The following KMT5B variants were observed in gnomAD, a reference collection of about 807,000 sequenced individuals.
KMT5B encodes histone-lysine N-methyltransferase KMT5B.
Under a neutral mutation model 83.2 loss-of-function variants are expected in KMT5B, and 10 were observed. The ratio of observed to expected loss-of-function variants is 0.12; its 90% CI spans 0.07 to 0.20. The LOEUF is 0.20. KMT5B is among the 10% of genes least tolerant of loss of function. The pLI is 1.00. For synonymous variants in KMT5B, 349 were observed against 388.8 expected, an observed-to-expected ratio of 0.90 and a Z score of 1.20; for missense variants, 753 against 1,067.2, an observed-to-expected ratio of 0.71 and a Z score of 4.10.
intron 1 of KMT5B, among the ~76,000 whole-genome samples, chr11:68,196,363 G>A (rs1858709670): frequency 6.6e-6 from 1 of 150,914 alleles, no homozygotes; most frequent in African/African-American, 2.4e-5. Flanking sequence ...TAAAACTTAA[G>A]TGAAAGCCCT....
At chr11:68,170,491 T>C (rs1291894111) in intron 9 of KMT5B, among the ~76,000 whole-genome samples, 1 of 152,178 alleles carries the variant, frequency 6.6e-6, no homozygotes, top group African/African-American at 2.4e-5. Context: ...TATGAACTGG[T>C]GGTCCTGCCA....
At position 68,155,461 on chromosome 11, in the gene KMT5B, A is replaced by G. The variant is rs1859223842; in HGVS notation, c.*2227T>C. The G allele has an allele frequency of 6.6e-6, 1 of 152,234 alleles. No homozygotes were observed. Among genetic ancestry groups the G allele is most frequent in the South Asian group, 2.1e-4 (1 of 4,832 alleles). 9.4% of individuals were successfully genotyped at this position (152,234 alleles called of 1,614,324 possible). On this transcript the variant is annotated 3_prime_UTR_variant, in exon 11 of 11. Transcript: ENST00000304363. The stretch of plus-strand genomic sequence containing the variant: ...AAAACATCAAAAATAAGTTACTAAA[A>G]TTCAGCTGAAAAATGAAAATGGGAA...
intron 1 of KMT5B, among the ~76,000 whole-genome samples, chr11:68,201,174 G>A (rs1859397433): frequency 6.6e-6 from 1 of 152,086 alleles, no homozygotes; most frequent in Admixed American, 6.6e-5. Context: ...TGAGAAGCGC[G>A]ACACCCACCA....
chr11:68,159,682 G>A lies in KMT5B; in HGVS notation c.1175-511C>T, dbSNP rs529535425. On this transcript the variant is annotated intron_variant, in intron 10 of 10. Transcript: ENST00000304363. ...TGGGCTCTAAGGAACAAATTCTATCGCAATGGTTTCAAACAAGAAAAACAG... is the reference window on the plus strand; with the variant it reads ...TGGGCTCTAAGGAACAAATTCTATCACAATGGTTTCAAACAAGAAAAACAG... 5.9e-5 allele frequency among the ~76,000 whole-genome samples: 9 copies of A among 152,194 alleles called. No individual in the cohort carries two copies. In the South Asian group the frequency reaches 1.5e-3, roughly 25 times the overall value.
chr11:68,178,678 G>A (rs183495805), intron 4 of KMT5B, among the ~76,000 whole-genome samples: 1 of 152,278 alleles, frequency 6.6e-6, no homozygotes, highest in East Asian at 1.9e-4. Flanking sequence ...TAATCCTACA[G>A]AAGTATGTAA....
At position 68,204,611 on chromosome 11, in the gene KMT5B, G is replaced by GTTTT. The variant is rs34315868; in HGVS notation, c.-77+8523_-77+8526dup. On this transcript the variant is annotated intron_variant, in intron 1 of 10. Transcript: ENST00000304363. ...AAAACCGTGAGAGAATAAATTTCCG[G>GTTTT]TTTTTTTTTTTTTTTTTTTTTTTTG... 5.4e-4 allele frequency among the ~76,000 whole-genome samples: 57 copies of GTTTT among 106,138 alleles called. 1 individual carries two copies. Among genetic ancestry groups the GTTTT allele is most frequent in the African/African-American group, 1.1e-3 (30 of 28,554 alleles). The allele number at this position is 106,138 out of a possible 152,430, so 69.6% of individuals were successfully genotyped here. A position where few individuals can be genotyped will look rare whatever the true frequency, so the allele number is the denominator to read the frequency against.
intron 4 of KMT5B, among the ~76,000 whole-genome samples, chr11:68,177,671 C>G (rs61890510): frequency 4.5e-4 from 69 of 151,952 alleles, no homozygotes; most frequent in Non-Finnish European, 9.1e-4. Context: ...AGAGATAATA[C>G]TGAAGAAATG....
chr11:68,163,540 A>T (rs1477593886), intron 10 of KMT5B, among the ~76,000 whole-genome samples: 1 of 152,228 alleles, frequency 6.6e-6, no homozygotes, highest in African/African-American at 2.4e-5. Context: ...TTCCAGTCAG[A>T]CAAAAGAGCT....
chr11:68,170,979 A>T, intron 9 of KMT5B, 36 bp downstream of exon 9: 1 of 1,556,120 alleles, frequency 6.4e-7, no homozygotes, highest in Non-Finnish European at 8.6e-7. Flanking sequence ...TGTTAACAAA[A>T]AATGTTTAGG....
At chr11:68,186,539 T>C (rs1039346408) in intron 2 of KMT5B, among the ~76,000 whole-genome samples, 5 of 152,216 alleles carry the variant, frequency 3.3e-5, no homozygotes, top group African/African-American at 1.2e-4. Flanking sequence ...GACCTATTTC[T>C]ACTGACCTCT....
At chr11:68,203,119 G>A (rs924830530) in intron 1 of KMT5B, among the ~76,000 whole-genome samples, 11 of 151,978 alleles carry the variant, frequency 7.2e-5, no homozygotes, top group African/African-American at 2.4e-4. Flanking sequence ...GGGATTACAG[G>A]TGTGTGCCAT....
chr11:68,199,289 G>A (rs917908185), intron 1 of KMT5B, among the ~76,000 whole-genome samples: 17 of 152,156 alleles, frequency 1.1e-4, no homozygotes, highest in African/African-American at 4.1e-4. Context: ...ATGAATGTCG[G>A]CACCTTTTGG....
chr11:68,207,803 AAAAC>A (rs1248825636), intron 1 of KMT5B, among the ~76,000 whole-genome samples: 9 of 149,296 alleles, frequency 6.0e-5, no homozygotes, highest in African/African-American at 2.3e-4. Flanking sequence ...AAAAAAAAAA[AAAAC>A]AAACCAAAAA....
intron 1 of KMT5B, among the ~76,000 whole-genome samples, chr11:68,191,856 CCACT>C (rs1187528645): frequency 1.3e-5 from 2 of 152,216 alleles, no homozygotes; most frequent in Non-Finnish European, 2.9e-5. Context: ...CAATTACTCA[CCACT>C]CACTCACTGA....
chr11:68,164,234 T>C (rs1855111499), intron 10 of KMT5B, among the ~76,000 whole-genome samples: 1 of 152,192 alleles, frequency 6.6e-6, no homozygotes, highest in South Asian at 2.1e-4. Flanking sequence ...GTATGGAAAT[T>C]TTTCTTCCAA....
At chr11:68,200,374 A>C (rs1859285324) in intron 1 of KMT5B, among the ~76,000 whole-genome samples, 1 of 152,246 alleles carries the variant, frequency 6.6e-6, no homozygotes, top group African/African-American at 2.4e-5. Flanking sequence ...GGTGCCCAGT[A>C]AGCAAATACT....
At chr11:68,161,093 C>T (rs914914791) in intron 10 of KMT5B, among the ~76,000 whole-genome samples, 2 of 152,026 alleles carry the variant, frequency 1.3e-5, no homozygotes, top group Non-Finnish European at 2.9e-5. Context: ...ACCAAGGTGG[C>T]GCCTCTTTTT....
chr11:68,165,934 T>C, intron 10 of KMT5B: 1 of 1,612,918 alleles, frequency 6.2e-7, no homozygotes, highest in Non-Finnish European at 8.5e-7. Context: ...CACCTTCCCT[T>C]TTCTTCAGGA....
intron 1 of KMT5B, among the ~76,000 whole-genome samples, chr11:68,201,591 C>T (rs780245868): frequency 5.9e-5 from 9 of 151,846 alleles, no homozygotes; most frequent in Non-Finnish European, 1.0e-4. Context: ...AAAAAAAAAT[C>T]TGTCAAAAAA....
Sources: allele counts gnomAD v4.1 joint callset (sites outside exome capture counted in the v4.1 genomes callset), GRCh38; gene constraint gnomAD v4.1.1; transcripts MANE v1.5; gene names NCBI Gene and HGNC (gene_info 2026-07-23, HGNC 2026-07-21).